CENPE: variants seen among roughly 807,000 people sequenced by gnomAD.
CENPE encodes centromere-associated protein E.
CENPE carries 145 observed loss-of-function variants against 336.1 expected under a neutral mutation model. The ratio of observed to expected loss-of-function variants is 0.43; its 90% confidence interval spans 0.38 to 0.50. CENPE has a LOEUF of 0.50. Ranked by LOEUF, CENPE falls within the 20% of genes least tolerant of loss-of-function variation. The pLI is 0.00. For missense variants in CENPE, 2,719 were observed against 3,023.3 expected, an observed-to-expected ratio of 0.90 and a Z score of 2.36; for synonymous variants, 1,013 against 984.8, an observed-to-expected ratio of 1.03 and a Z score of -0.54.
intron 17 of CENPE, 63 bp from the exon 18 acceptor site, chr4:103,163,319 C>T: frequency 1.4e-6 from 2 of 1,436,280 alleles, no homozygotes; most frequent in Non-Finnish European, 1.9e-6. Flanking sequence ...GGGATTAAAA[C>T]AGAACTTATA....
intron 28 of CENPE, 64 bp downstream of exon 28, chr4:103,148,780 A>G: frequency 6.9e-7 from 1 of 1,454,080 alleles, no homozygotes. Flanking sequence ...CTTACTGCTT[A>G]TCTTTCCTTC....
chr4:103,181,815 A>G (rs1321349491), intron 11 of CENPE: 1 of 161,760 alleles, frequency 6.2e-6, no homozygotes, highest in African/African-American at 2.4e-5. Context: ...TTAACCACTT[A>G]ACTACTAATC....
intron 13 of CENPE, among the ~76,000 whole-genome samples, chr4:103,179,251 C>G (rs1431823793): frequency 6.7e-6 from 1 of 148,932 alleles, no homozygotes; most frequent in Non-Finnish European, 1.5e-5. Context: ...CTTTGCAGGC[C>G]CAAGCAATCT....
chr4:103,153,822 T>C (rs1417091505), intron 24 of CENPE, among the ~76,000 whole-genome samples: 4 of 152,106 alleles, frequency 2.6e-5, no homozygotes, highest in Admixed American at 2.6e-4. Flanking sequence ...TCCCTGCAAA[T>C]CTTTATTTTC....
chr4:103,185,060 T>C (rs1378613448), intron 9 of CENPE, among the ~76,000 whole-genome samples: 7 of 152,142 alleles, frequency 4.6e-5, no homozygotes, highest in Non-Finnish European at 7.4e-5. Flanking sequence ...ATCCCAGAAC[T>C]TTGGGAGGCC....
chr4:103,159,409 A>G (rs537452476), intron 21 of CENPE, 85 bp from the exon 22 acceptor site: 2 of 808,444 alleles, frequency 2.5e-6, no homozygotes, highest in Admixed American at 7.4e-5. Flanking sequence ...TTCTCTGCAA[A>G]AAGAGAAGTT....
At chr4:103,143,699 T>TA (rs1280065562) in intron 33 of CENPE, among the ~76,000 whole-genome samples, 4 of 152,328 alleles carry the variant, frequency 2.6e-5, no homozygotes, top group African/African-American at 9.6e-5. Context: ...ACCAGTCCCT[T>TA]ACCAATGGAT....
rs775426036 is a variant in CENPE, at chr4:103,181,506, G to A, written c.964-50C>T. ...AAGTGTTCAACACTTAAAAAAATTC[G>A]AATTTAATTAATAATATTTAGCTTT... is the stretch of plus-strand genomic sequence containing the variant. On this transcript the variant is annotated intron_variant, in intron 11 of 48. Transcript: ENST00000265148. 1.4e-5 allele frequency: 21 copies of A among 1,466,948 alleles called. No individual in the cohort carries two copies. In the South Asian group the frequency reaches 2.0e-4, roughly 14 times the overall value. 90.9% of individuals were successfully genotyped at this position (1,466,948 alleles called of 1,614,324 possible). A position where few individuals can be genotyped will look rare whatever the true frequency, so the allele number is the denominator to read the frequency against.
At position 103,160,451 on chromosome 4, in the gene CENPE, T is replaced by A. The variant is rs11737673; in HGVS notation, c.2286+174A>T. On this transcript the variant is annotated intron_variant, in intron 21 of 48. Coordinates refer to ENST00000265148, the MANE Select transcript of CENPE (RefSeq NM_001813.3). The stretch of plus-strand genomic sequence containing the variant: ...AAATATATTTTTTAATCTAGTAGCA[T>A]AAGAACAAATTAGAAGATGAACTAT... 0.16 allele frequency among the ~76,000 whole-genome samples: 23,605 copies of A among 151,884 alleles called. 2,036 individuals carry two copies. Among genetic ancestry groups the A allele is most frequent in the South Asian group, 0.31 (1,475 of 4,822 alleles).
In CENPE at chr4:103,158,388, G is replaced by T. The variant is rs1578629024; in HGVS notation, c.2945C>A (p.Thr982Lys). 1 of 1,608,464 alleles carries T rather than the reference G, an allele frequency of 6.2e-7. No individual in the cohort carries two copies. Among genetic ancestry groups the T allele is most frequent in the Middle Eastern group, 1.7e-4 (1 of 6,046 alleles). Residue 982 changes from threonine to lysine, a missense_variant, in exon 24 of 49, where the codon ACA becomes AAA. Coordinates refer to ENST00000265148, the MANE Select transcript of CENPE (RefSeq NM_001813.3). ...TTCCTCAGAAATTTTCGATTTTAGT[G>T]TATTAATTGTTTCTTGATGTTGTTT... Reference protein sequence around the residue: ...SLKQHQETINTLKSKISEEVS... With the variant: ...SLKQHQETINKLKSKISEEVS...
chr4:103,138,364 C>T lies in CENPE; in HGVS notation c.6290G>A (p.Cys2097Tyr), dbSNP rs757942068. Reference sequence around the variant, plus strand: ...GGGGGTACTTACTTTTATTCTAGAGCACTTTTCTCTCAGGCTTTCCGTAAG... The same window carrying T: ...GGGGGTACTTACTTTTATTCTAGAGTACTTTTCTCTCAGGCTTTCCGTAAG... ...QHLTESLREK[C>Y]SRIKELLKRY... The change falls in exon 39 of 49, where the codon TGC becomes TAC. Residue 2097 changes from cysteine (C) to tyrosine (Y), a missense_variant. This residue lies in a region of CENPE where 2,437 missense variants were observed against 2,513.3 expected (regional missense o/e 0.97). Coordinates refer to ENST00000265148, the MANE Select transcript of CENPE (RefSeq NM_001813.3). 2 of 1,609,382 alleles carry T rather than the reference C, an allele frequency of 1.2e-6. No individual in the cohort carries two copies. Among genetic ancestry groups the T allele is most frequent in the Non-Finnish European group, 1.7e-6 (2 of 1,175,724 alleles).
intron 30 of CENPE, 51 bp downstream of exon 30, chr4:103,145,778 A>T: frequency 1.3e-6 from 2 of 1,540,186 alleles, no homozygotes; most frequent in South Asian, 2.5e-5. Flanking sequence ...GTTTATAATA[A>T]TATTTGGTTA....
At chr4:103,131,006 T>C (rs111561844) in intron 42 of CENPE, among the ~76,000 whole-genome samples, 47 of 150,958 alleles carry the variant, frequency 3.1e-4, no homozygotes, top group African/African-American at 1.1e-3. Context: ...GAAGACAGCA[T>C]AGGAGAAAAT....
rs1218712416 is a variant in CENPE, at chr4:103,114,504, C to T, written c.7491G>A (p.Arg2497=). 1.2e-6 allele frequency: 2 copies of T among 1,611,812 alleles called. No homozygotes were observed. The highest frequency in any genetic ancestry group is 1.1e-5 in the South Asian group (1 of 91,060). ...TTCTTCTGAGATTTTCTCTCAATAG[C>T]CTTATAACTTCCTTTTGATATTCTA... ...ATVEYQKEVI[R]LLRENLRRSQ... The change falls in exon 46 of 49, where the codon AGG becomes AGA. Residue 2497 remains arginine (R), a synonymous_variant. Coordinates refer to ENST00000265148, the MANE Select transcript of CENPE (RefSeq NM_001813.3).
chr4:103,178,809 T>C (rs1756095815), intron 13 of CENPE, among the ~76,000 whole-genome samples: 1 of 152,216 alleles, frequency 6.6e-6, no homozygotes, highest in Non-Finnish European at 1.5e-5. Flanking sequence ...GCTTTATGGA[T>C]TCTTCTTTCT....
At chr4:103,133,997 T>C in intron 40 of CENPE, 105 bp from the exon 41 acceptor site, 1 of 724,896 alleles carries the variant, frequency 1.4e-6, no homozygotes, top group Non-Finnish European at 2.3e-6. Context: ...CTTATTTACC[T>C]ATATCCTCTC....
chr4:103,145,486 C>G (rs113332970), intron 31 of CENPE, 37 bp downstream of exon 31: 1 of 1,560,674 alleles, frequency 6.4e-7, no homozygotes, highest in Non-Finnish European at 8.7e-7. Flanking sequence ...TCCAAACCCA[C>G]CCATTTCCTC....
At chr4:103,148,341 T>C (rs184404138) in intron 28 of CENPE, among the ~76,000 whole-genome samples, 67 of 152,358 alleles carry the variant, frequency 4.4e-4, no homozygotes, top group African/African-American at 1.6e-3. Context: ...TGTCTCAATT[T>C]TTCTATGTGT....
rs1345937242 is a variant in CENPE at position 103,106,217 on chromosome 4, G to A, written c.*5C>T. On this transcript the variant is annotated 3_prime_UTR_variant, in exon 49 of 49. Coordinates refer to ENST00000265148, the MANE Select transcript of CENPE (RefSeq NM_001813.3). Reference sequence around the variant, plus strand: ...TGGATCTCCAGAGAAGTGACAAAGAGGAGTCTACTGAGTTTTGCACTCAGG... The same window carrying A: ...TGGATCTCCAGAGAAGTGACAAAGAAGAGTCTACTGAGTTTTGCACTCAGG... 3 of 1,544,682 alleles carry A rather than the reference G, an allele frequency of 1.9e-6. No individual in the cohort carries two copies. Among genetic ancestry groups the A allele is most frequent in the Non-Finnish European group, 2.6e-6 (3 of 1,139,680 alleles).
Sources: gnomAD v4.1 joint callset for allele counts (sites outside exome capture counted in the v4.1 genomes callset) on GRCh38, gnomAD v4.1.1 for gene constraint, gnomAD v4.1.1 regional missense constraint, MANE v1.5 for transcripts, NCBI Gene and HGNC (gene_info 2026-07-23, HGNC 2026-07-21) for gene names.